Variants in MTCL1 observed in about 807,000 individuals in gnomAD.
MTCL1 encodes microtubule cross-linking factor 1.
A neutral mutation model predicts 141.4 loss-of-function variants in MTCL1; 79 were observed. The observed-to-expected ratio is 0.56, with a 90% CI of 0.47 to 0.67. MTCL1 has a LOEUF of 0.67. MTCL1 is among the 30% of genes least tolerant of loss of function. MTCL1 has a pLI of 0.00. For missense variants in MTCL1, 2,177 were observed against 2,113.9 expected, an observed-to-expected ratio of 1.03 and a Z score of -0.59; for synonymous variants, 914 against 875.8, an observed-to-expected ratio of 1.04 and a Z score of -0.77.
chr18:8,785,025 T>G (rs1248247780), intron 6 of MTCL1, among the ~76,000 whole-genome samples, 182 bp downstream of exon 5: 4 of 151,894 alleles, frequency 2.6e-5, no homozygotes, highest in African/African-American at 7.3e-5. Context: ...TTTTTTGTTT[T>G]TTTTTTTTTT....
At chr18:8,789,818 C>A in intron 7 of MTCL1, 1 of 576,112 alleles carries the variant, frequency 1.7e-6, no homozygotes, top group Non-Finnish European at 2.2e-6. Context: ...ATTTATGTGT[C>A]ATGTGAAACT....
intron 4 of MTCL1, among the ~76,000 whole-genome samples, chr18:8,759,285 T>TTG (rs1307199522): frequency 6.6e-6 from 1 of 152,216 alleles, no homozygotes; most frequent in Non-Finnish European, 1.5e-5. Context: ...CAGAAAAACA[T>TTG]TGTGAAGTAT....
chr18:8,721,730 G>A lies in MTCL1; in HGVS notation c.357+1234G>A, dbSNP rs577916496. Among the ~76,000 whole-genome samples, 30 of 152,118 alleles carry A rather than the reference G, an allele frequency of 2.0e-4. No individual in the cohort carries two copies. The South Asian group carries it at 5.4e-3, about 27-fold the overall frequency. ...ACATACGTGTTCTGGGACATTATTT[G>A]TCTATTGTCACCGCTCATCTGACAA... On this transcript the variant is annotated intron_variant, in intron 4 of 16. Coordinates refer to ENST00000359865, the Ensembl canonical transcript of MTCL1.
chr18:8,714,317 G>C (rs1270186581), upstream of MTCL1, among the ~76,000 whole-genome samples: 1 of 152,124 alleles, frequency 6.6e-6, no homozygotes, highest in Non-Finnish European at 1.5e-5. Context: ...GGTTATTGTA[G>C]GGTTAGTAAT....
chr18:8,756,405 GTGTGTATATGTGTATATA>G (rs2096399380), intron 4 of MTCL1, among the ~76,000 whole-genome samples: 1 of 147,630 alleles, frequency 6.8e-6, no homozygotes, highest in East Asian at 2.0e-4. Flanking sequence ...ATGTATATAT[GTGTGTATATGTGTATATA>G]TGTGTATATA....
intron 4 of MTCL1, among the ~76,000 whole-genome samples, chr18:8,732,268 A>AATTTATTT (rs1218246658): frequency 6.6e-6 from 1 of 151,234 alleles, no homozygotes; most frequent in South Asian, 2.1e-4. Context: ...TGATTTTTTA[A>AATTTATTT]ATTTATTTAT....
chr18:8,791,159 C>T (rs908734561), intron 7 of MTCL1, among the ~76,000 whole-genome samples: 2 of 152,060 alleles, frequency 1.3e-5, no homozygotes, highest in Admixed American at 6.5e-5. Flanking sequence ...GGCCTGGGCC[C>T]AACATTGCAG....
chr18:8,748,688 CAT>C (rs970136173), intron 4 of MTCL1, among the ~76,000 whole-genome samples: 14 of 152,088 alleles, frequency 9.2e-5, no homozygotes, highest in African/African-American at 2.2e-4. Flanking sequence ...GAAGACTCTA[CAT>C]GTGTGTGTAT....
chr18:8,706,326 C>T, exon 1 of MTCL1: 1 of 1,230,298 alleles, frequency 8.1e-7, no homozygotes, highest in Non-Finnish European at 1.0e-6. Flanking sequence ...CCCTGTCCGA[C>T]GAGCAGCGCC....
At chr18:8,739,743 T>C (rs973121158) in intron 4 of MTCL1, among the ~76,000 whole-genome samples, 1 of 56 alleles carries the variant, frequency 0.018, no homozygotes, top group Non-Finnish European at 0.042. Context: ...GTTCGTTTGT[T>C]TTTTTTTGAG....
chr18:8,719,888 T>G (rs1368259440), intron 3 of MTCL1: 1 of 156,190 alleles, frequency 6.4e-6, no homozygotes, highest in East Asian at 1.9e-4. Context: ...TCAGTATTAC[T>G]TTAGTGAATA....
At chr18:8,749,115 C>A (rs1489367617) in intron 4 of MTCL1, among the ~76,000 whole-genome samples, 1 of 152,206 alleles carries the variant, frequency 6.6e-6, no homozygotes, top group Non-Finnish European at 1.5e-5. Context: ...AAAGGTGGAG[C>A]CTTCGATCAG....
chr18:8,706,677 G>T, exon 1 of MTCL1: 1 of 1,546,524 alleles, frequency 6.5e-7, no homozygotes, highest in Non-Finnish European at 8.7e-7. Context: ...TGCTGCGGGA[G>T]ATGGAGGAGC....
At chr18:8,821,343 C>A in intron 13 of MTCL1, 124 bp from the exon 13 acceptor site, 1 of 630,480 alleles carries the variant, frequency 1.6e-6, no homozygotes, top group Non-Finnish European at 2.9e-6. Context: ...CAGAGCTTGG[C>A]CTCAGTGCAC....
Position 8,791,537 on chromosome 18 carries a change from C to T in MTCL1, c.1888-1461C>T, listed in dbSNP as rs542059810. 5.3e-5 allele frequency among the ~76,000 whole-genome samples: 8 copies of T among 151,530 alleles called. No homozygotes were observed. In the East Asian group the frequency reaches 1.6e-3, roughly 29 times the overall value. ...AGACACGGCAAATAGCAGGATTCAA[C>T]CCTAAGACTGCAGGTAATAGAATTA... On this transcript the variant is annotated intron_variant, in intron 7 of 16. Coordinates refer to ENST00000359865, the Ensembl canonical transcript of MTCL1.
chr18:8,784,913 C>G, intron 6 of MTCL1, 70 bp downstream of exon 5: 1 of 1,370,788 alleles, frequency 7.3e-7, no homozygotes, highest in South Asian at 1.4e-5. Flanking sequence ...CATTGCTGCA[C>G]TCGGGCTCAC....
Position 8,779,787 on chromosome 18 carries a change from C to T in MTCL1, c.417+1895C>T, listed in dbSNP as rs2096526694. On this transcript the variant is annotated intron_variant, in intron 5 of 16. Transcript: ENST00000359865. This position sits in a 1 kb window ranked among gnomAD's most constrained non-coding sequence, Gnocchi z 4.1. ...AAATGACAGCATGCTGTCATGCTGA[C>T]AGCTTTTTTCTTTAAGGAACGAGAA... 1.3e-5 allele frequency among the ~76,000 whole-genome samples: 2 copies of T among 152,174 alleles called. No individual in the cohort carries two copies. Among genetic ancestry groups the T allele is most frequent in the African/African-American group, 4.8e-5 (2 of 41,440 alleles).
intron 1 of MTCL1, among the ~76,000 whole-genome samples, chr18:8,711,136 G>A (rs11875800): frequency 0.38 from 53,735 of 140,964 alleles, 5,584 homozygotes; most frequent in East Asian, 0.52. Context: ...GAGAATATGC[G>A]GTGTTTGGTT....
intron 16 of MTCL1, chr18:8,829,287 A>C: frequency 1.0e-6 from 1 of 985,440 alleles, no homozygotes; most frequent in Non-Finnish European, 1.2e-6. Flanking sequence ...GGGACATCCT[A>C]GGCACAGGGG....
Sources: allele counts gnomAD v4.1 joint callset (sites outside exome capture counted in the v4.1 genomes callset), GRCh38; gene constraint gnomAD v4.1.1; non-coding constraint Gnocchi (gnomAD v3.1); transcripts MANE v1.5; gene names NCBI Gene and HGNC (gene_info 2026-07-23, HGNC 2026-07-21).